The following ZNF536 variants were observed in gnomAD, a reference collection of about 807,000 sequenced individuals.
The protein encoded by ZNF536 is zinc finger protein 536.
A neutral mutation model predicts 84.5 loss-of-function variants in ZNF536; 13 were observed. That is an observed-to-expected ratio of 0.15 (90% CI 0.10 to 0.24). ZNF536 has a LOEUF of 0.24. Ranked by LOEUF, ZNF536 falls within the 10% of genes least tolerant of loss-of-function variation. The pLI, the probability that ZNF536 is intolerant of heterozygous loss-of-function variation, is 1.00. For synonymous variants in ZNF536, 811 were observed against 742.5 expected (o/e 1.09, Z -1.50); for missense variants, 1,536 against 1,747.5 (o/e 0.88, Z 2.16).
At chr19:30,307,814 C>G (rs2046385511) in intron 2 of ZNF536, among the ~76,000 whole-genome samples, 1 of 152,212 alleles carries the variant, frequency 6.6e-6, no homozygotes, top group African/African-American at 2.4e-5. Context: ...ACATTTTCTT[C>G]TCACTGTGTT....
intron 1 of ZNF536, among the ~76,000 whole-genome samples, chr19:30,238,452 C>T (rs1246097322): frequency 6.6e-6 from 1 of 151,722 alleles, no homozygotes; most frequent in Non-Finnish European, 1.5e-5. Flanking sequence ...CACACACACA[C>T]ACACACAATC....
intron 1 of ZNF536, among the ~76,000 whole-genome samples, chr19:30,230,397 A>G (rs142481132): frequency 6.1e-4 from 93 of 152,324 alleles, no homozygotes; most frequent in Middle Eastern, 3.4e-3. Context: ...ATAAATTTGC[A>G]TTCTTTTGGA....
intron 1 of ZNF536, among the ~76,000 whole-genome samples, chr19:30,698,666 C>G (rs930133790): frequency 6.6e-6 from 1 of 152,184 alleles, no homozygotes; most frequent in African/African-American, 2.4e-5. Context: ...AGGAAGACCA[C>G]AAAGGTAAAT....
In ZNF536 at chr19:30,548,064, A is replaced by G. The variant is rs1054597203; in HGVS notation, c.2445A>G (p.Gln815=). The stretch of plus-strand genomic sequence containing the variant: ...ACGGGGCTGGGCCGCTGTCTGGGCA[A>G]CCCCCAAATCAAGACCACAAGGATG... ...RQNGAGPLSG[Q]PPNQDHKDEM... Residue 815 remains glutamine, a synonymous_variant, in exon 4 of 5, where the codon CAA becomes CAG. Coordinates refer to ENST00000355537, the MANE Select transcript of ZNF536 (RefSeq NM_014717.3). 3 of 1,614,002 alleles carry G rather than the reference A, an allele frequency of 1.9e-6. No homozygotes were observed. Among genetic ancestry groups the G allele is most frequent in the African/African-American group, 1.3e-5 (1 of 74,922 alleles).
At chr19:30,436,054 T>G (rs906957499) in intron 1 of ZNF536, among the ~76,000 whole-genome samples, 2 of 152,172 alleles carry the variant, frequency 1.3e-5, no homozygotes, top group African/African-American at 4.8e-5. Flanking sequence ...CCTACCAGCA[T>G]GGAAGCTGCC....
intron 2 of ZNF536, among the ~76,000 whole-genome samples, chr19:30,513,479 C>G (rs2055503581): frequency 6.6e-6 from 1 of 152,144 alleles, no homozygotes; most frequent in South Asian, 2.1e-4. Context: ...TGCCCCCAAC[C>G]CCGGTGACTC....
At chr19:30,695,090 G>A (rs1256411324) in intron 1 of ZNF536, among the ~76,000 whole-genome samples, 2 of 152,102 alleles carry the variant, frequency 1.3e-5, no homozygotes, top group Non-Finnish European at 1.5e-5. Context: ...GGACCCCCTG[G>A]AACACAGAGC....
chr19:30,283,201 T>C (rs978677677), intron 1 of ZNF536, among the ~76,000 whole-genome samples: 1 of 152,348 alleles, frequency 6.6e-6, no homozygotes, highest in East Asian at 1.9e-4. Flanking sequence ...AAATATAATT[T>C]ATTAAGGGAA....
intron 2 of ZNF536, among the ~76,000 whole-genome samples, chr19:30,342,529 C>T (rs1010726421): frequency 1.3e-5 from 2 of 152,206 alleles, no homozygotes; most frequent in Non-Finnish European, 2.9e-5. Flanking sequence ...TTTTATGTTA[C>T]GCTTTTTGTA....
At chr19:30,453,943 G>A (rs978659039) in intron 2 of ZNF536, among the ~76,000 whole-genome samples, 9 of 152,238 alleles carry the variant, frequency 5.9e-5, no homozygotes, top group African/African-American at 1.9e-4. Context: ...CACAGCACAA[G>A]CTGACTCCTT....
chr19:30,293,166 C>T (rs553341506), intron 2 of ZNF536, among the ~76,000 whole-genome samples: 12 of 152,220 alleles, frequency 7.9e-5, no homozygotes, highest in East Asian at 3.9e-4. Context: ...TTTTGCCTCT[C>T]GGGCTCTGAT....
intron 3 of ZNF536, among the ~76,000 whole-genome samples, chr19:30,364,513 G>A (rs2048366763): frequency 6.6e-6 from 1 of 152,170 alleles, no homozygotes; most frequent in African/African-American, 2.4e-5. Flanking sequence ...GAAAGATCCT[G>A]TCTTAAAAAA....
intron 1 of ZNF536, among the ~76,000 whole-genome samples, chr19:30,610,060 C>T (rs2048049941): frequency 6.6e-6 from 1 of 152,188 alleles, no homozygotes; most frequent in African/African-American, 2.4e-5. Flanking sequence ...CCATCCATGT[C>T]ACAGATATTT....
intron 1 of ZNF536, among the ~76,000 whole-genome samples, chr19:30,413,413 T>C (rs1322158989): frequency 6.6e-6 from 1 of 152,224 alleles, no homozygotes; most frequent in Non-Finnish European, 1.5e-5. Context: ...TTTATTCGTT[T>C]GTTTTGCTAT....
intron 1 of ZNF536, among the ~76,000 whole-genome samples, chr19:30,645,138 A>G (rs1021861380): frequency 6.6e-6 from 1 of 152,032 alleles, no homozygotes; most frequent in Non-Finnish European, 1.5e-5. Flanking sequence ...GCATTTTTTC[A>G]TGTGTCTTTT....
At chr19:30,450,080 T>C (rs2052531206) in intron 2 of ZNF536, among the ~76,000 whole-genome samples, 3 of 151,626 alleles carry the variant, frequency 2.0e-5, no homozygotes, top group Admixed American at 1.3e-4. Context: ...TCTTCATTTT[T>C]TTTTTTTTTT....
intron 2 of ZNF536, among the ~76,000 whole-genome samples, chr19:30,505,775 C>T (rs1187270160): frequency 6.6e-6 from 1 of 151,940 alleles, no homozygotes; most frequent in Non-Finnish European, 1.5e-5. Context: ...AAGTGATTCT[C>T]CTGCCTCAGC....
intron 2 of ZNF536, among the ~76,000 whole-genome samples, chr19:30,516,193 G>A (rs1453751887): frequency 6.6e-6 from 1 of 152,028 alleles, no homozygotes; most frequent in Non-Finnish European, 1.5e-5. Flanking sequence ...GCTCTAAGAT[G>A]AATGAGGACC....
At chr19:30,692,665 G>A (rs992294198) in intron 1 of ZNF536, among the ~76,000 whole-genome samples, 8 of 152,140 alleles carry the variant, frequency 5.3e-5, no homozygotes, top group Admixed American at 4.6e-4. Flanking sequence ...AGAGTGCTTC[G>A]CAGCTGTTGC....
Sources: allele counts gnomAD v4.1 joint callset (sites outside exome capture counted in the v4.1 genomes callset), GRCh38; gene constraint gnomAD v4.1.1; transcripts MANE v1.5; gene names NCBI Gene and HGNC (gene_info 2026-07-23, HGNC 2026-07-21).